TOP1: variants seen among roughly 807,000 people sequenced by gnomAD.
The protein encoded by TOP1 is DNA topoisomerase 1.
Under a neutral mutation model 111.1 loss-of-function variants are expected in TOP1, and 10 were observed. That is an observed-to-expected ratio of 0.09 (90% CI 0.06 to 0.15). The LOEUF is 0.15. Ranked by LOEUF, TOP1 falls within the 10% of genes least tolerant of loss-of-function variation. The pLI, the probability that TOP1 is intolerant of heterozygous loss-of-function variation, is 1.00. For synonymous variants in TOP1, 271 were observed against 302.9 expected (o/e 0.89, Z 1.10); for missense variants, 474 against 926.7 (o/e 0.51, Z 6.34).
At chr20:41,107,458 C>G (rs971707823) in intron 13 of TOP1, among the ~76,000 whole-genome samples, 1 of 152,188 alleles carries the variant, frequency 6.6e-6, no homozygotes, top group Non-Finnish European at 1.5e-5. Flanking sequence ...TTGTAGCACT[C>G]ACTTCCAATT....
Position 41,057,029 on chromosome 20 carries a change from G to A in TOP1, c.59-4365G>A, listed in dbSNP as rs2033481546. 2.6e-5 allele frequency among the ~76,000 whole-genome samples: 4 copies of A among 152,150 alleles called. No individual in the cohort carries two copies. The South Asian group carries it at 6.2e-4, about 24-fold the overall frequency. On this transcript the variant is annotated intron_variant, in intron 2 of 20. Coordinates refer to ENST00000361337, the MANE Select transcript of TOP1 (RefSeq NM_003286.4). The stretch of plus-strand genomic sequence containing the variant: ...TGATCCCAGCACCAGACTTTGGGAG[G>A]CTGAGGCAGATGGATTGCCTGAGCT...
chr20:41,045,594 T>A (rs964997747), intron 2 of TOP1, among the ~76,000 whole-genome samples: 2 of 152,244 alleles, frequency 1.3e-5, no homozygotes, highest in Non-Finnish European at 2.9e-5. Context: ...GATGAACTTA[T>A]ATTTATGTAC....
intron 8 of TOP1, among the ~76,000 whole-genome samples, chr20:41,087,012 T>C (rs1198184752): frequency 6.6e-6 from 1 of 152,208 alleles, no homozygotes; most frequent in Non-Finnish European, 1.5e-5. Context: ...GATACCCTTA[T>C]TTTTACTATT....
chr20:41,123,666 G>A lies in TOP1; in HGVS notation c.*369G>A, dbSNP rs1273598299. ...ATGCAAAGTCCGATTATATTGGTGC[G>A]TTTTTACAGTTAGGGTTTTGCAATA... is the stretch of plus-strand genomic sequence containing the variant. On this transcript the variant is annotated 3_prime_UTR_variant, in exon 21 of 21. Transcript: ENST00000361337. This position sits in a 1 kb window ranked among gnomAD's most constrained non-coding sequence, Gnocchi z 5.8. 7 of 238,778 alleles carry A rather than the reference G, an allele frequency of 2.9e-5. No homozygotes were observed. The highest frequency in any genetic ancestry group is 3.4e-4 in the South Asian group (2 of 5,864). 14.8% of individuals were successfully genotyped at this position (238,778 alleles called of 1,614,324 possible).
Position 41,034,035 on chromosome 20 carries a change from G to A in TOP1, c.58+4580G>A, listed in dbSNP as rs919491194. 6.6e-6 allele frequency among the ~76,000 whole-genome samples: 1 copy of A among 152,092 alleles called. No homozygotes were observed. The highest frequency in any genetic ancestry group is 2.4e-5 in the African/African-American group (1 of 41,400). On this transcript the variant is annotated intron_variant, in intron 2 of 20. Transcript: ENST00000361337. This position sits in a 1 kb window ranked among gnomAD's most constrained non-coding sequence, Gnocchi z 4.0. The stretch of plus-strand genomic sequence containing the variant: ...AGTAAAATATATTGGATGTGGAGGT[G>A]AGAGTCAGTTGAGTGAATTTTCTGT...
intron 18 of TOP1, among the ~76,000 whole-genome samples, chr20:41,120,915 G>A (rs1251763930): frequency 6.6e-6 from 1 of 152,152 alleles, no homozygotes; most frequent in Non-Finnish European, 1.5e-5. Flanking sequence ...CTAATTTTTT[G>A]TATTTTTAGT....
chr20:41,111,301 T>A (rs75427724), intron 13 of TOP1, among the ~76,000 whole-genome samples: 14 of 152,312 alleles, frequency 9.2e-5, no homozygotes, highest in Non-Finnish European at 1.9e-4. Context: ...ATATCTCACC[T>A]TTTCTTATTC....
rs1469265349 is a variant in TOP1 at position 41,030,436 on chromosome 20, T to C, written c.58+981T>C. 6.6e-6 allele frequency among the ~76,000 whole-genome samples: 1 copy of C among 152,028 alleles called. No homozygotes were observed. The highest frequency in any genetic ancestry group is 2.4e-5 in the African/African-American group (1 of 41,400). On this transcript the variant is annotated intron_variant, in intron 2 of 20. Transcript: ENST00000361337. The surrounding 1 kb of genome is among the most constrained non-coding windows in gnomAD (Gnocchi z 4.1). ...ACCCACCCCTGCTTCCTGTTCATTC[T>C]TTTTCACGAGCCACTGTTTTTCAGG...
intron 2 of TOP1, among the ~76,000 whole-genome samples, chr20:41,048,206 T>C (rs2033357807): frequency 6.6e-6 from 1 of 152,108 alleles, no homozygotes; most frequent in Non-Finnish European, 1.5e-5. Context: ...AGCACATGAA[T>C]TTTTGTAGGT....
intron 3 of TOP1, chr20:41,073,250 A>G (rs945053588): frequency 1.0e-6 from 1 of 985,260 alleles, no homozygotes; most frequent in Non-Finnish European, 1.2e-6. Flanking sequence ...AATGGCTAAC[A>G]TTCTAAGAAA....
At position 41,078,867 on chromosome 20, in the gene TOP1, G is replaced by A. The variant is rs1425812442; in HGVS notation, c.336-1218G>A. Among the ~76,000 whole-genome samples, 1 of 152,142 alleles carries A rather than the reference G, an allele frequency of 6.6e-6. No homozygotes were observed. Among genetic ancestry groups the A allele is most frequent in the Admixed American group, 6.5e-5 (1 of 15,276 alleles). On this transcript the variant is annotated intron_variant, in intron 5 of 20. Coordinates refer to ENST00000361337, the MANE Select transcript of TOP1 (RefSeq NM_003286.4). This position sits in a 1 kb window ranked among gnomAD's most constrained non-coding sequence, Gnocchi z 5.3. ...TTGTAGAGAATCCAGATGCTTCACT[G>A]GAATACAGTTTTCAGGTAAATTGTT... is the stretch of plus-strand genomic sequence containing the variant.
Position 41,098,124 on chromosome 20 carries a change from A to G in TOP1, c.853-91A>G. The stretch of plus-strand genomic sequence containing the variant: ...CTTCCAGAAACCTTTGACTGAAAAA[A>G]TGGTGCTTGGGTGTATTTGCAAAGA... On this transcript the variant is annotated intron_variant, in intron 10 of 20. Coordinates refer to ENST00000361337, the MANE Select transcript of TOP1 (RefSeq NM_003286.4). The surrounding 1 kb of genome is among the most constrained non-coding windows in gnomAD (Gnocchi z 5.7). 7.3e-6 allele frequency: 10 copies of G among 1,361,790 alleles called. No individual in the cohort carries two copies. Among genetic ancestry groups the G allele is most frequent in the Non-Finnish European group, 1.0e-5 (10 of 969,752 alleles). The allele number at this position is 1,361,790 out of a possible 1,614,324, so 84.4% of individuals were successfully genotyped here.
chr20:41,117,544 G>A (rs1025703769), intron 17 of TOP1, among the ~76,000 whole-genome samples: 5 of 151,274 alleles, frequency 3.3e-5, no homozygotes, highest in African/African-American at 7.3e-5. Context: ...CCGCCATGTC[G>A]CCCGGCTAAT....
chr20:41,123,618 G>A lies in TOP1; in HGVS notation c.*321G>A, dbSNP rs532134061. 5 of 295,278 alleles carry A rather than the reference G, an allele frequency of 1.7e-5. No homozygotes were observed. The highest frequency in any genetic ancestry group is 8.6e-5 in the African/African-American group (4 of 46,702). The allele number at this position is 295,278 out of a possible 1,614,324, so 18.3% of individuals were successfully genotyped here. On this transcript the variant is annotated 3_prime_UTR_variant, in exon 21 of 21. Transcript: ENST00000361337. The surrounding 1 kb of genome is among the most constrained non-coding windows in gnomAD (Gnocchi z 5.8). ...GGCAAATTCACTGTTTCACTGAAATGTTTGGATTCTCTTAGCTACTGTATG... is the reference window on the plus strand; with the variant it reads ...GGCAAATTCACTGTTTCACTGAAATATTTGGATTCTCTTAGCTACTGTATG...
chr20:41,110,102 C>A lies in TOP1; in HGVS notation c.1309-2680C>A, dbSNP rs2034210447. Among the ~76,000 whole-genome samples the A allele has an allele frequency of 6.6e-6, 1 of 152,142 alleles. No individual in the cohort carries two copies. Among genetic ancestry groups the A allele is most frequent in the Admixed American group, 6.5e-5 (1 of 15,284 alleles). On this transcript the variant is annotated intron_variant, in intron 13 of 20. Coordinates refer to ENST00000361337, the MANE Select transcript of TOP1 (RefSeq NM_003286.4). The surrounding 1 kb of genome is among the most constrained non-coding windows in gnomAD (Gnocchi z 4.2). The stretch of plus-strand genomic sequence containing the variant: ...AGGAGTTCGAGACCAGCCTGGCCAA[C>A]ATGGCGAAACACCGTCTCTACAAAA...
Position 41,118,361 on chromosome 20 carries a change from TCAGGGCTGAGATATCAGCAGGC to T in TOP1, c.1950+69_1950+90del. 4 of 1,591,656 alleles carry T rather than the reference TCAGGGCTGAGATATCAGCAGGC, an allele frequency of 2.5e-6. No individual in the cohort carries two copies. The South Asian group carries it at 4.5e-5, about 18-fold the overall frequency. ...GCAGATTATCTGCGAATGAGAGGATTCAGGGCTGAGATATCAGCAGGCCAGTGCTGGGTCTGTTGTAGAAGGT... is the reference window on the plus strand; with the variant it reads ...GCAGATTATCTGCGAATGAGAGGATTCAGTGCTGGGTCTGTTGTAGAAGGT... On this transcript the variant is annotated intron_variant, in intron 18 of 20. Transcript: ENST00000361337. The surrounding 1 kb of genome is among the most constrained non-coding windows in gnomAD (Gnocchi z 4.6).
rs2145966229 is a variant in TOP1 at position 41,114,358 on chromosome 20, G to A, written c.1638+203G>A. Among the ~76,000 whole-genome samples the A allele has an allele frequency of 6.6e-6, 1 of 152,374 alleles. No homozygotes were observed. Among genetic ancestry groups the A allele is most frequent in the African/African-American group, 2.4e-5 (1 of 41,598 alleles). Reference sequence around the variant, plus strand: ...GAGACCAAAAGTTTGAGGCTGTAGTGTGCTGTGATCACACCTGTGAATAGC... The same window carrying A: ...GAGACCAAAAGTTTGAGGCTGTAGTATGCTGTGATCACACCTGTGAATAGC... On this transcript the variant is annotated intron_variant, in intron 15 of 20. Transcript: ENST00000361337. This position sits in a 1 kb window ranked among gnomAD's most constrained non-coding sequence, Gnocchi z 4.5.
At chr20:41,039,227 A>G (rs1024779884) in intron 2 of TOP1, among the ~76,000 whole-genome samples, 3 of 152,250 alleles carry the variant, frequency 2.0e-5, no homozygotes, top group African/African-American at 7.2e-5. Flanking sequence ...CTTTGAAATT[A>G]GTACGTTGTA....
chr20:41,047,212 A>T (rs1269181531), intron 2 of TOP1, among the ~76,000 whole-genome samples: 1 of 152,242 alleles, frequency 6.6e-6, no homozygotes, highest in Non-Finnish European at 1.5e-5. Flanking sequence ...TTGTATTTTT[A>T]AATTTAGGCA....
Sources: gnomAD v4.1 joint callset for allele counts (sites outside exome capture counted in the v4.1 genomes callset) on GRCh38, gnomAD v4.1.1 for gene constraint, Gnocchi (gnomAD v3.1) non-coding constraint, MANE v1.5 for transcripts, NCBI Gene and HGNC (gene_info 2026-07-23, HGNC 2026-07-21) for gene names.